The following CEP41 variants were observed in gnomAD, a reference collection of about 807,000 sequenced individuals.
CEP41 encodes centrosomal protein of 41 kDa.
A neutral mutation model predicts 44.3 loss-of-function variants in CEP41; 32 were observed. That is an observed-to-expected ratio of 0.72 (90% confidence interval 0.54 to 0.97). The LOEUF is 0.97. Ranked by LOEUF, CEP41 falls within the 50% of genes least tolerant of loss-of-function variation. The pLI is 0.00. For synonymous variants in CEP41, 151 were observed against 168.5 expected (o/e 0.90, Z 0.80); for missense variants, 432 against 455.2 (o/e 0.95, Z 0.46).
upstream of CEP41, chr7:130,441,207 C>G: frequency 3.2e-6 from 2 of 633,744 alleles, no homozygotes; most frequent in Middle Eastern, 3.2e-4. Flanking sequence ...GCCTTTTGTT[C>G]TCTGGGCTGG....
Position 130,398,675 on chromosome 7 carries a change from T to A in CEP41, c.*216A>T, listed in dbSNP as rs1205218457. ...ACAACAGGGAGGAGACTAGAGCCTG[T>A]CACACCTCTGGTTTTTATGGTCACC... On this transcript the variant is annotated 3_prime_UTR_variant, in exon 11 of 11. Transcript: ENST00000223208. The A allele has an allele frequency of 4.1e-6, 3 of 736,338 alleles. No individual in the cohort carries two copies. The highest frequency in any genetic ancestry group is 1.9e-5 in the Admixed American group (1 of 53,608). 45.6% of individuals were successfully genotyped at this position (736,338 alleles called of 1,614,324 possible). A position where few individuals can be genotyped will look rare whatever the true frequency, so the allele number is the denominator to read the frequency against.
At chr7:130,430,149 C>A (rs1343752033) in intron 1 of CEP41, among the ~76,000 whole-genome samples, 7 of 152,110 alleles carry the variant, frequency 4.6e-5, no homozygotes, top group Non-Finnish European at 1.0e-4. Context: ...TATCTGTTGG[C>A]CAGAGTTTTG....
intron 2 of CEP41, chr7:130,419,616 CATTTTCCCAGAT>C (rs1797440991): frequency 1.0e-6 from 1 of 984,438 alleles, no homozygotes; most frequent in Admixed American, 6.2e-5. Context: ...CTGCCAGATA[CATTTTCCCAGAT>C]AAGACTTTTT....
At chr7:130,403,990 AAC>A (rs1198390117) in intron 6 of CEP41, among the ~76,000 whole-genome samples, 1 of 152,214 alleles carries the variant, frequency 6.6e-6, no homozygotes, top group Non-Finnish European at 1.5e-5. Context: ...CCCTATAATC[AAC>A]AGTTAATATT....
intron 1 of CEP41, 27 bp downstream of exon 1, chr7:130,440,899 CCCCTCCGG>C: frequency 6.2e-7 from 1 of 1,608,464 alleles, no homozygotes; most frequent in Non-Finnish European, 8.5e-7. Context: ...GTGCGCCCGC[CCCCTCCGG>C]CTCTCCGGCC....
chr7:130,436,017 A>C (rs1431691805), intron 1 of CEP41, among the ~76,000 whole-genome samples: 1 of 152,106 alleles, frequency 6.6e-6, no homozygotes, highest in Non-Finnish European at 1.5e-5. Flanking sequence ...GGCCGGGCAC[A>C]GTGGTAGGAA....
chr7:130,411,900 A>T (rs1797192530), intron 4 of CEP41: 1 of 307,268 alleles, frequency 3.3e-6, no homozygotes, highest in African/African-American at 2.2e-5. Context: ...ATATTAAGTT[A>T]AATGTATAAG....
chr7:130,401,921 G>C lies in CEP41; in HGVS notation c.602C>G (p.Ser201Cys), dbSNP rs146662384. The C allele has an allele frequency of 1.9e-6, 3 of 1,610,692 alleles. No individual in the cohort carries two copies. Among genetic ancestry groups the C allele is most frequent in the Admixed American group, 1.7e-5 (1 of 60,014 alleles). ...GAYSYPIATL[S>C]RTMNPYSNDI... ...ATTTGAATAAGGGTTCATTGTTCTA[G>C]ACAGAGTTGCAATTGGGTAACTGTA... Residue 201 changes from serine to cysteine, a missense_variant, in exon 8 of 11, where the codon TCT becomes TGT. By Grantham distance (112) the Ser-to-Cys change is moderately radical (BLOSUM62 -1). Transcript: ENST00000223208.
chr7:130,420,034 A>G, intron 2 of CEP41: 1 of 985,416 alleles, frequency 1.0e-6, no homozygotes, highest in African/African-American at 1.7e-5. Context: ...ATACTTGCTG[A>G]ATGATGGTCA....
intron 3 of CEP41, among the ~76,000 whole-genome samples, chr7:130,413,244 A>C (rs932356341): frequency 6.6e-6 from 1 of 151,746 alleles, no homozygotes; most frequent in Non-Finnish European, 1.5e-5. Context: ...ACCCACCTCA[A>C]CCTCCCAAAG....
chr7:130,409,511 G>A (rs1554418936), intron 5 of CEP41, among the ~76,000 whole-genome samples: 3 of 152,156 alleles, frequency 2.0e-5, no homozygotes, highest in Admixed American at 6.5e-5. Flanking sequence ...AATTCCTGTC[G>A]TTTTCAGATT....
chr7:130,411,383 T>C (rs563528949), intron 4 of CEP41, among the ~76,000 whole-genome samples, 192 bp from the exon 5 acceptor site: 261 of 152,354 alleles, frequency 1.7e-3, no homozygotes, highest in African/African-American at 6.2e-3. Flanking sequence ...CAGATGATCA[T>C]TTCAGAAGAA....
intron 5 of CEP41, among the ~76,000 whole-genome samples, chr7:130,409,104 C>A (rs903713283): frequency 1.3e-5 from 2 of 152,174 alleles, no homozygotes; most frequent in Non-Finnish European, 2.9e-5. Flanking sequence ...ACTAGAAATA[C>A]ACTTTTAAGT....
chr7:130,410,731 A>G (rs1205933892), intron 5 of CEP41: 4 of 244,276 alleles, frequency 1.6e-5, no homozygotes, highest in African/African-American at 9.0e-5. Context: ...CATTCAGCCC[A>G]CCCAACACAC....
At position 130,393,890 on chromosome 7, in the gene CEP41, G is replaced by A. The variant is rs782567628; in HGVS notation, c.*5001C>T. 2.2e-6 allele frequency: 1 copy of A among 454,044 alleles called. No homozygotes were observed. Among genetic ancestry groups the A allele is most frequent in the South Asian group, 1.6e-5 (1 of 64,474 alleles). 28.1% of individuals were successfully genotyped at this position (454,044 alleles called of 1,614,324 possible). A position where few individuals can be genotyped will look rare whatever the true frequency, so the allele number is the denominator to read the frequency against. On this transcript the variant is annotated 3_prime_UTR_variant, in exon 11 of 11. Coordinates refer to ENST00000223208, the MANE Select transcript of CEP41 (RefSeq NM_018718.3). ...TCATTCCTTAAGTGGTACTTTGCAAGGTGTCCATTAACAGACAAAATAACC... is the reference window on the plus strand; with the variant it reads ...TCATTCCTTAAGTGGTACTTTGCAAAGTGTCCATTAACAGACAAAATAACC...
chr7:130,433,682 G>A (rs1353134017), intron 1 of CEP41, among the ~76,000 whole-genome samples: 1 of 152,132 alleles, frequency 6.6e-6, no homozygotes, highest in Non-Finnish European at 1.5e-5. Flanking sequence ...CAAGACTCAG[G>A]GCAAACTTAT....
rs986509684 is a variant in CEP41 at position 130,423,602 on chromosome 7, A to G, written c.97+4353T>C. Among the ~76,000 whole-genome samples the G allele has an allele frequency of 2.0e-4, 30 of 152,354 alleles. 1 individual carries two copies. The highest frequency in any genetic ancestry group is 1.9e-3 in the Admixed American group (29 of 15,302). On this transcript the variant is annotated intron_variant, in intron 2 of 10. Coordinates refer to ENST00000223208, the MANE Select transcript of CEP41 (RefSeq NM_018718.3). ...GACATACAGTTACCATATGAAAAGC[A>G]ATTCAAGTCCTAGGTATATGCCCAA...
intron 2 of CEP41, chr7:130,422,018 A>T: frequency 6.5e-7 from 1 of 1,535,810 alleles, no homozygotes; most frequent in Non-Finnish European, 8.7e-7. Context: ...CTATGGAACA[A>T]AAGAAATATT....
intron 4 of CEP41, among the ~76,000 whole-genome samples, chr7:130,411,526 A>C (rs1797182245): frequency 6.6e-6 from 1 of 152,242 alleles, no homozygotes; most frequent in Non-Finnish European, 1.5e-5. Context: ...TTGAAAATGC[A>C]ATACTGACCT....
Sources: gnomAD v4.1 joint callset for allele counts (sites outside exome capture counted in the v4.1 genomes callset) on GRCh38, gnomAD v4.1.1 for gene constraint, MANE v1.5 for transcripts, NCBI Gene and HGNC (gene_info 2026-07-23, HGNC 2026-07-21) for gene names.